NRG1: variants seen among roughly 807,000 people sequenced by gnomAD.
The protein encoded by NRG1 is neuregulin 1, also known as pro-neuregulin-1, membrane-bound isoform.
NRG1 carries 18 observed loss-of-function variants against 63.8 expected under a neutral mutation model. The observed-to-expected ratio is 0.28, with a 90% CI of 0.19 to 0.42. The LOEUF (loss-of-function observed/expected upper bound fraction) is 0.42. NRG1 is among the 10% of genes least tolerant of loss of function. NRG1 has a pLI of 1.00. For missense variants in NRG1, 762 were observed against 814.7 expected (o/e 0.94, Z 0.79); for synonymous variants, 302 against 301.3 (o/e 1.00, Z -0.02).
chr8:31,800,763 G>A (rs577031523), intron 1 of NRG1, among the ~76,000 whole-genome samples: 3 of 150,044 alleles, frequency 2.0e-5, no homozygotes, highest in South Asian at 4.2e-4. Flanking sequence ...GAAAAATGTC[G>A]AATTTAAACA....
At chr8:32,548,273 G>T in exon 1 of NRG1, 1 of 986,864 alleles carries the variant, frequency 1.0e-6, no homozygotes, top group Non-Finnish European at 1.2e-6. Flanking sequence ...GTGGGTGGCT[G>T]CGGGGCAATT....
At chr8:31,908,702 T>C (rs188179644) in intron 1 of NRG1, among the ~76,000 whole-genome samples, 2 of 152,330 alleles carry the variant, frequency 1.3e-5, no homozygotes, top group African/African-American at 2.4e-5. Context: ...CAAAATATTA[T>C]ATCATCAAAA....
At chr8:32,536,145 T>G (rs1012837565) in intron 1 of NRG1, among the ~76,000 whole-genome samples, 1 of 152,194 alleles carries the variant, frequency 6.6e-6, no homozygotes, top group African/African-American at 2.4e-5. Context: ...GAGCACAGCA[T>G]AGCAAAGTCC....
At chr8:32,587,749 A>C (rs541365054) in intron 1 of NRG1, among the ~76,000 whole-genome samples, 1 of 152,218 alleles carries the variant, frequency 6.6e-6, no homozygotes, top group Non-Finnish European at 1.5e-5. Flanking sequence ...AGAAATTTTG[A>C]TGTTTAGGTA....
At chr8:31,784,273 A>G (rs1819971384) in intron 1 of NRG1, among the ~76,000 whole-genome samples, 1 of 152,214 alleles carries the variant, frequency 6.6e-6, no homozygotes, top group South Asian at 2.1e-4. Context: ...ATTATTTTTC[A>G]GAATAAACAC....
At chr8:31,822,901 A>G (rs1242253694) in intron 1 of NRG1, among the ~76,000 whole-genome samples, 1 of 152,168 alleles carries the variant, frequency 6.6e-6, no homozygotes. Context: ...TTGGTACCCA[A>G]GAAGCCAACA....
At chr8:31,726,847 A>T (rs1262410920) in intron 1 of NRG1, among the ~76,000 whole-genome samples, 1 of 152,142 alleles carries the variant, frequency 6.6e-6, no homozygotes, top group Non-Finnish European at 1.5e-5. Context: ...GGAGTGGGTG[A>T]AAACTTGAGG....
chr8:32,447,892 G>T, intron 1 of NRG1, among the ~76,000 whole-genome samples: 1 of 151,528 alleles, frequency 6.6e-6, no homozygotes, highest in East Asian at 1.9e-4. Context: ...TTTCTATAAC[G>T]GATTGCATGG....
intron 1 of NRG1, among the ~76,000 whole-genome samples, chr8:32,559,831 C>CA (rs1836004255): frequency 9.5e-6 from 1 of 105,072 alleles, no homozygotes; most frequent in Non-Finnish European, 2.3e-5. Context: ...TCTGTCTCTA[C>CA]AAAAAAATAC....
intron 1 of NRG1, among the ~76,000 whole-genome samples, chr8:32,083,612 C>T (rs1827806982): frequency 6.6e-6 from 1 of 152,144 alleles, no homozygotes; most frequent in African/African-American, 2.4e-5. Context: ...CTTATGCTTA[C>T]TAATCCCTTC....
At chr8:32,662,330 TG>T (rs1803072934) in intron 5 of NRG1, among the ~76,000 whole-genome samples, 1 of 152,152 alleles carries the variant, frequency 6.6e-6, no homozygotes, top group Non-Finnish European at 1.5e-5. Flanking sequence ...AGAAGGCCAG[TG>T]TAGTCAACTT....
intron 1 of NRG1, among the ~76,000 whole-genome samples, chr8:32,165,067 C>G (rs1839256155): frequency 6.6e-6 from 1 of 151,994 alleles, no homozygotes; most frequent in Admixed American, 6.6e-5. Flanking sequence ...GCTTTTATTT[C>G]TACAATTGCA....
At chr8:32,119,179 ACAAG>A (rs1203875689) in intron 1 of NRG1, among the ~76,000 whole-genome samples, 2 of 152,280 alleles carry the variant, frequency 1.3e-5, no homozygotes, top group African/African-American at 4.8e-5. Flanking sequence ...AATGAGTATT[ACAAG>A]GCAATTAGCT....
chr8:32,589,013 TG>T (rs1319885989), intron 1 of NRG1, among the ~76,000 whole-genome samples: 2 of 152,186 alleles, frequency 1.3e-5, no homozygotes, highest in Admixed American at 1.3e-4. Context: ...ATAATGATCT[TG>T]TTGGGCGATT....
intron 1 of NRG1, among the ~76,000 whole-genome samples, chr8:32,446,740 G>T (rs1341870625): frequency 3.9e-5 from 6 of 152,064 alleles, no homozygotes; most frequent in Middle Eastern, 6.8e-3. Context: ...AAAACTTTGG[G>T]GTCACCCTCT....
chr8:32,312,530 A>G (rs1193168337), intron 1 of NRG1, among the ~76,000 whole-genome samples: 2 of 151,542 alleles, frequency 1.3e-5, no homozygotes, highest in African/African-American at 4.9e-5. Context: ...ACCTAGGCAT[A>G]CTCACAGAGC....
At chr8:32,751,743 A>C (rs1828779626) in intron 7 of NRG1, among the ~76,000 whole-genome samples, 1 of 152,100 alleles carries the variant, frequency 6.6e-6, no homozygotes, top group Non-Finnish European at 1.5e-5. Flanking sequence ...TTACTGAGCT[A>C]CCTCTTTATT....
intron 1 of NRG1, among the ~76,000 whole-genome samples, chr8:32,488,613 C>CCAAACAAA (rs34689410): frequency 0.013 from 1,926 of 150,278 alleles, 23 homozygotes; most frequent in African/African-American, 0.032. Context: ...CCATCTCTAC[C>CCAAACAAA]CAAACAAACA....
At chr8:32,156,777 C>T (rs1838128738) in intron 1 of NRG1, among the ~76,000 whole-genome samples, 1 of 152,112 alleles carries the variant, frequency 6.6e-6, no homozygotes, top group Non-Finnish European at 1.5e-5. Context: ...TCTCTACAAA[C>T]ATTTAAAAAT....
Sources: gnomAD v4.1 joint callset for allele counts (sites outside exome capture counted in the v4.1 genomes callset) on GRCh38, gnomAD v4.1.1 for gene constraint, MANE v1.5 for transcripts, NCBI Gene and HGNC (gene_info 2026-07-23, HGNC 2026-07-21) for gene names.